Variants in LARGE1 observed in about 807,000 individuals in gnomAD.
The protein encoded by LARGE1 is xylosyl- and glucuronyltransferase LARGE1.
LARGE1 carries 43 observed loss-of-function variants against 87.6 expected under a neutral mutation model. The ratio of observed to expected loss-of-function variants is 0.49; its 90% CI spans 0.38 to 0.63. The LOEUF (loss-of-function observed/expected upper bound fraction) is 0.63, where lower values mean the gene tolerates loss of function less well. Ranked by LOEUF, LARGE1 falls within the 30% of genes least tolerant of loss-of-function variation. The pLI is 0.00. For missense variants in LARGE1, 802 were observed against 1,000.2 expected (o/e 0.80, Z 2.67); for synonymous variants, 434 against 394.6 (o/e 1.10, Z -1.18).
rs367816795 is a variant in LARGE1, at chr22:33,754,591, C to T, written c.106+6780G>A. Among the ~76,000 whole-genome samples, 24 of 152,318 alleles carry T rather than the reference C, an allele frequency of 1.6e-4. No individual in the cohort carries two copies. In the East Asian group the frequency reaches 3.1e-3, roughly 20 times the overall value. On this transcript the variant is annotated intron_variant, in intron 2 of 14. Transcript: ENST00000397394. ...GACCTTGTGATCTGCCCGCCTCAGC[C>T]TCCCAAAGTGCTGGGATTACAGGCG...
At chr22:33,532,025 T>C (rs1434684471) in intron 6 of LARGE1, among the ~76,000 whole-genome samples, 1 of 152,228 alleles carries the variant, frequency 6.6e-6, no homozygotes, top group Non-Finnish European at 1.5e-5. Flanking sequence ...ATTTTTGCAA[T>C]CAACTTAGAT....
chr22:33,340,776 A>G (rs78305335), intron 9 of LARGE1, among the ~76,000 whole-genome samples: 8,567 of 151,904 alleles, frequency 0.056, 362 homozygotes, highest in South Asian at 0.13. Flanking sequence ...AAGGCATGCA[A>G]TCGTAAAGGG....
intron 5 of LARGE1, among the ~76,000 whole-genome samples, chr22:33,596,708 G>C (rs2078985087): frequency 6.6e-6 from 1 of 152,126 alleles, no homozygotes; most frequent in Non-Finnish European, 1.5e-5. Context: ...GCTTAGAAAA[G>C]ATTTAAGAAG....
chr22:33,568,296 T>C (rs2078087113), intron 5 of LARGE1, among the ~76,000 whole-genome samples: 1 of 152,094 alleles, frequency 6.6e-6, no homozygotes, highest in African/African-American at 2.4e-5. Flanking sequence ...AGGGCAGCCC[T>C]CCAGTCAACC....
At chr22:33,068,797 A>G in the LARGE1 span, among the ~76,000 whole-genome samples, 1 of 152,126 alleles carries the variant, frequency 6.6e-6, no homozygotes, top group Non-Finnish European at 1.5e-5. Context: ...TTGCCAGGCA[A>G]CCAAAACAGC....
intron 6 of LARGE1, among the ~76,000 whole-genome samples, chr22:33,501,884 T>C (rs1374844768): frequency 1.3e-5 from 2 of 152,248 alleles, no homozygotes; most frequent in East Asian, 3.9e-4. Context: ...ACACAGGTGC[T>C]TGTGGAGGTA....
intron 11 of LARGE1, among the ~76,000 whole-genome samples, chr22:33,245,937 T>C (rs1385563632): frequency 6.6e-6 from 1 of 151,950 alleles, no homozygotes; most frequent in Non-Finnish European, 1.5e-5. Context: ...ACAAACAGAA[T>C]TCATCCAAAA....
intron 2 of LARGE1, among the ~76,000 whole-genome samples, chr22:33,732,084 TTACG>T (rs2083489819): frequency 6.6e-6 from 1 of 152,180 alleles, no homozygotes; most frequent in African/African-American, 2.4e-5. Context: ...AAAGCAGGGC[TTACG>T]GAAACAACAA....
At chr22:33,126,911 G>T in the LARGE1 span, among the ~76,000 whole-genome samples, 2 of 152,244 alleles carry the variant, frequency 1.3e-5, no homozygotes, top group South Asian at 4.1e-4. Context: ...GCCCAAGCCA[G>T]AGAGTCCATG....
chr22:33,236,754 G>A (rs920664528), intron 11 of LARGE1, among the ~76,000 whole-genome samples: 2 of 152,104 alleles, frequency 1.3e-5, no homozygotes, highest in Non-Finnish European at 2.9e-5. Flanking sequence ...AAAGCATTAG[G>A]GCCAGTCTAG....
chr22:33,459,651 G>A (rs1035726613), intron 6 of LARGE1, among the ~76,000 whole-genome samples: 1 of 149,824 alleles, frequency 6.7e-6, no homozygotes, highest in Non-Finnish European at 1.5e-5. Flanking sequence ...TGCTCTGTAA[G>A]CTGGTCCATA....
intron 1 of LARGE1, among the ~76,000 whole-genome samples, chr22:33,888,862 CA>C (rs1287262399): frequency 6.6e-6 from 1 of 152,070 alleles, no homozygotes; most frequent in Non-Finnish European, 1.5e-5. Flanking sequence ...GTCTCAATAA[CA>C]AAACAAAAAA....
chr22:33,661,523 A>AT (rs577392764), intron 2 of LARGE1, among the ~76,000 whole-genome samples: 9,561 of 146,840 alleles, frequency 0.065, 1,013 homozygotes, highest in African/African-American at 0.22. Context: ...CATTTCTGTG[A>AT]TTTTTTTTTT....
At chr22:33,689,179 GTGTGTA>G (rs978152260) in intron 2 of LARGE1, among the ~76,000 whole-genome samples, 147 of 145,250 alleles carry the variant, frequency 1.0e-3, no homozygotes, top group African/African-American at 3.5e-3. Flanking sequence ...CCCCTCCTGT[GTGTGTA>G]TGTGTGTGTG....
intron 9 of LARGE1, among the ~76,000 whole-genome samples, chr22:33,375,413 C>G (rs1190980200): frequency 6.6e-6 from 1 of 152,148 alleles, no homozygotes; most frequent in South Asian, 2.1e-4. Context: ...TGTCTGTAAG[C>G]CAGGTGGGCA....
At chr22:33,080,936 G>A in the LARGE1 span, among the ~76,000 whole-genome samples, 2 of 147,780 alleles carry the variant, frequency 1.4e-5, no homozygotes, top group African/African-American at 2.6e-5. Flanking sequence ...CTGCTCATCC[G>A]TTCATCCATC....
At chr22:33,285,211 T>C (rs1418592633) in intron 12 of LARGE1, among the ~76,000 whole-genome samples, 2 of 152,094 alleles carry the variant, frequency 1.3e-5, no homozygotes, top group Non-Finnish European at 2.9e-5. Context: ...GGTCTCAGGG[T>C]CATCATGGCT....
intron 2 of LARGE1, among the ~76,000 whole-genome samples, chr22:33,757,267 T>A (rs1031822006): frequency 6.6e-6 from 1 of 152,168 alleles, no homozygotes; most frequent in Admixed American, 6.5e-5. Context: ...GCTTCCATGC[T>A]CAGGAGCAAA....
At chr22:33,358,085 G>C (rs1941067234) in intron 9 of LARGE1, among the ~76,000 whole-genome samples, 1 of 152,130 alleles carries the variant, frequency 6.6e-6, no homozygotes, top group Non-Finnish European at 1.5e-5. Context: ...AAAGGACAGG[G>C]TACTTAAACA....
Sources: allele counts gnomAD v4.1 joint callset (sites outside exome capture counted in the v4.1 genomes callset), GRCh38; gene constraint gnomAD v4.1.1; transcripts MANE v1.5; gene names NCBI Gene and HGNC (gene_info 2026-07-23, HGNC 2026-07-21).